The following LAMB4 variants were observed in gnomAD, a reference collection of about 807,000 sequenced individuals.
The protein encoded by LAMB4 is laminin subunit beta-4.
Under a neutral mutation model 199.2 loss-of-function variants are expected in LAMB4, and 196 were observed. The ratio of observed to expected loss-of-function variants is 0.98; its 90% confidence interval spans 0.88 to 1.11. The LOEUF (loss-of-function observed/expected upper bound fraction) is 1.11. Among genes scored for constraint, LAMB4 ranks in the 50% least tolerant of loss-of-function variants. The pLI is 0.00. For synonymous variants in LAMB4, 744 were observed against 770.6 expected (o/e 0.97, Z 0.57); for missense variants, 2,080 against 2,171.2 (o/e 0.96, Z 0.83).
chr7:108,017,697 A>G, the LAMB4 span, among the ~76,000 whole-genome samples: 1 of 152,174 alleles, frequency 6.6e-6, no homozygotes, highest in South Asian at 2.1e-4. Context: ...GGCTATAGGA[A>G]AAGGTTAGGT....
Position 108,063,819 on chromosome 7 carries a change from T to G in LAMB4, c.3003A>C (p.Ala1001=). 1 of 1,614,234 alleles carries G rather than the reference T, an allele frequency of 6.2e-7. No individual in the cohort carries two copies. The highest frequency in any genetic ancestry group is 8.5e-7 in the Non-Finnish European group (1 of 1,180,030). Residue 1001 remains alanine, a synonymous_variant, in exon 22 of 34, where the codon GCA becomes GCC. Transcript: ENST00000388781. ...GACCTGGTTTGCAGAGCTGGCAGTT[T>G]GCGCCCTGAGTGTTGTGCAAACATC... The part of the protein sequence containing the change: ...CLRCLHNTQG[A]NCQLCKPGHY...
At chr7:108,107,564 A>G (rs2038067318) in intron 6 of LAMB4, 67 bp downstream of exon 6, 5 of 1,291,948 alleles carry the variant, frequency 3.9e-6, no homozygotes, top group Non-Finnish European at 5.3e-6. Flanking sequence ...AAAGTTTTTC[A>G]TTTAAGTTAA....
downstream of LAMB4, among the ~76,000 whole-genome samples, chr7:108,019,575 T>A (rs1464328349): frequency 6.6e-6 from 1 of 152,032 alleles, no homozygotes; most frequent in African/African-American, 2.4e-5. Context: ...CCTTTTAGGG[T>A]TGTGCCCTGG....
intron 12 of LAMB4, among the ~76,000 whole-genome samples, 150 bp downstream of exon 12, chr7:108,095,070 GTAGTGTTT>G (rs1255156860): frequency 6.6e-6 from 1 of 152,078 alleles, no homozygotes; most frequent in Admixed American, 6.5e-5. Context: ...AGGCTGATAG[GTAGTGTTT>G]GCTGATTTCT....
chr7:108,123,652 G>A (rs978956773), intron 1 of LAMB4, among the ~76,000 whole-genome samples: 2 of 152,186 alleles, frequency 1.3e-5, no homozygotes, highest in African/African-American at 4.8e-5. Context: ...GGGCAACAGA[G>A]CAAGACACTG....
At chr7:108,036,274 C>T (rs570641705) in intron 30 of LAMB4, among the ~76,000 whole-genome samples, 164 of 151,992 alleles carry the variant, frequency 1.1e-3, no homozygotes, top group Non-Finnish European at 1.8e-3. Flanking sequence ...ACTGCAACCT[C>T]CACCTCCTCA....
At chr7:108,115,900 A>G in intron 3 of LAMB4, 104 bp downstream of exon 3, 1 of 1,246,742 alleles carries the variant, frequency 8.0e-7, no homozygotes, top group Non-Finnish European at 1.1e-6. Flanking sequence ...TTGTTTAAAA[A>G]GGAAGTTGTC....
chr7:108,103,015 G>A (rs1337768114), intron 10 of LAMB4, 29 bp downstream of exon 10: 15 of 1,522,518 alleles, frequency 9.9e-6, no homozygotes, highest in Non-Finnish European at 1.3e-5. Context: ...CAGACAGTGG[G>A]TAGGATCCAG....
chr7:108,096,703 G>A (rs368266641), intron 11 of LAMB4, among the ~76,000 whole-genome samples: 7 of 151,140 alleles, frequency 4.6e-5, no homozygotes, highest in Non-Finnish European at 1.0e-4. Flanking sequence ...AAGGTGAGGC[G>A]GAAGGGTTGC....
intron 17 of LAMB4, among the ~76,000 whole-genome samples, chr7:108,074,518 G>A (rs2036631654): frequency 6.6e-6 from 1 of 152,062 alleles, no homozygotes; most frequent in Non-Finnish European, 1.5e-5. Context: ...ACAGGCATGT[G>A]CTGCTACACC....
chr7:108,042,937 C>CTCTGTGTGTGTGTGTGTGTG (rs1554426273), intron 29 of LAMB4, among the ~76,000 whole-genome samples: 1 of 140,292 alleles, frequency 7.1e-6, no homozygotes, highest in African/African-American at 2.8e-5. Context: ...CTCTCAATCT[C>CTCTGTGTGTGTGTGTGTGTG]TGTGTGTGTG....
chr7:108,036,954 G>T (rs2035253023), intron 30 of LAMB4, among the ~76,000 whole-genome samples: 1 of 151,026 alleles, frequency 6.6e-6, no homozygotes, highest in Non-Finnish European at 1.5e-5. Context: ...AGAATATACT[G>T]AGGAAGTGAA....
In LAMB4 at chr7:108,123,138, CA is replaced by C. The variant is rs747409331; in HGVS notation, c.26del (p.Leu9CysfsTer43). 14 of 1,607,224 alleles carry C rather than the reference CA, an allele frequency of 8.7e-6. No individual in the cohort carries two copies. The Admixed American group carries it at 1.0e-4, about 12-fold the overall frequency. On this transcript the variant is annotated frameshift_variant, in exon 2 of 34. Coordinates refer to ENST00000388781, the MANE Select transcript of LAMB4 (RefSeq NM_007356.3). LOFTEE classifies it high-confidence loss of function. ...TTGACAACAAATACTCACCAAGGTGCAAAAAAAGGGTCAGTTGAAATTGCAT... is the reference window on the plus strand; with the variant it reads ...TTGACAACAAATACTCACCAAGGTGCAAAAAAGGGTCAGTTGAAATTGCAT... MQFQLTLF[L>X]HLGWLSYSKA... is the part of the protein sequence containing the mutation.
intron 3 of LAMB4, among the ~76,000 whole-genome samples, chr7:108,112,724 T>C: frequency 6.6e-6 from 1 of 152,222 alleles, no homozygotes; most frequent in Non-Finnish European, 1.5e-5. Flanking sequence ...GCACTGTCAG[T>C]GGCCTGCAGT....
chr7:108,051,627 G>A (rs771105152), intron 26 of LAMB4, among the ~76,000 whole-genome samples: 1 of 152,196 alleles, frequency 6.6e-6, no homozygotes, highest in East Asian at 1.9e-4. Context: ...TTAAGGGTGT[G>A]TAGTATGTTG....
In LAMB4 at chr7:108,030,829, G is replaced by GTTGGGCAGATTCAGCCTGAAC; in HGVS notation, c.4948_4968dup (p.Val1650_Gln1656dup). Reference sequence around the variant, plus strand: ...ACCTTCTCAAGACTCCCAGCCTGGTGTTGGGCAGATTCAGCCTGAACTTTC... The same window carrying GTTGGGCAGATTCAGCCTGAAC: ...ACCTTCTCAAGACTCCCAGCCTGGTGTTGGGCAGATTCAGCCTGAACTTGGGCAGATTCAGCCTGAACTTTC... On this transcript the variant is annotated inframe_insertion, in exon 32 of 34. Transcript: ENST00000388781. 3.1e-6 allele frequency: 5 copies of GTTGGGCAGATTCAGCCTGAAC among 1,614,142 alleles called. No homozygotes were observed. The highest frequency in any genetic ancestry group is 4.2e-6 in the Non-Finnish European group (5 of 1,180,000).
rs769670640 is a variant in LAMB4 at position 108,107,623 on chromosome 7, A to T, written c.591+8T>A. On this transcript the variant is annotated splice_region_variant and intron_variant, in intron 6 of 33. Transcript: ENST00000388781. ...TATACAAAATAAATACAAGGAAGGA[A>T]ATGCTACCTCTCCACCTGTTGAGGG... 7 of 1,569,140 alleles carry T rather than the reference A, an allele frequency of 4.5e-6. No individual in the cohort carries two copies. The highest frequency in any genetic ancestry group is 6.0e-6 in the Non-Finnish European group (7 of 1,161,124).
chr7:108,098,726 C>T (rs1183155579), intron 10 of LAMB4, 144 bp from the exon 11 acceptor site: 3 of 638,476 alleles, frequency 4.7e-6, no homozygotes, highest in Non-Finnish European at 7.5e-6. Flanking sequence ...CTGGCAAGAG[C>T]TATTCAGAAA....
In LAMB4 at chr7:108,065,143, A is replaced by G. The variant is rs999857058; in HGVS notation, c.2836+619T>C. Among the ~76,000 whole-genome samples, 6 of 152,144 alleles carry G rather than the reference A, an allele frequency of 3.9e-5. No homozygotes were observed. The East Asian group carries it at 1.2e-3, about 29-fold the overall frequency. On this transcript the variant is annotated intron_variant, in intron 21 of 33. Transcript: ENST00000388781. ...GGCTGGTCTTGGATTCCTGGCCTCAAGTAATCCTCCCTCACCCACTTCCCG... is the reference window on the plus strand; with the variant it reads ...GGCTGGTCTTGGATTCCTGGCCTCAGGTAATCCTCCCTCACCCACTTCCCG...
Sources: allele counts gnomAD v4.1 joint callset (sites outside exome capture counted in the v4.1 genomes callset), GRCh38; gene constraint gnomAD v4.1.1; transcripts MANE v1.5; gene names NCBI Gene and HGNC (gene_info 2026-07-23, HGNC 2026-07-21).